The following NLGN1 variants were observed in gnomAD, a reference collection of about 807,000 sequenced individuals.
NLGN1 encodes the protein neuroligin-1.
In NLGN1, 12 loss-of-function variants were observed where a neutral mutation model predicts 65.5. The observed-to-expected ratio is 0.18, with a 90% CI of 0.12 to 0.30. NLGN1 has a LOEUF of 0.30. Ranked by LOEUF, NLGN1 falls within the 10% of genes least tolerant of loss-of-function variation. The probability of loss-of-function intolerance (pLI) is 1.00; values close to 1 mark genes in which losing one functional copy is unlikely to be tolerated. For synonymous variants in NLGN1, 350 were observed against 359.5 expected (o/e 0.97, Z 0.30); for missense variants, 750 against 1,007.1 (o/e 0.74, Z 3.46).
At chr3:173,858,047 A>G (rs1259001990) in intron 4 of NLGN1, among the ~76,000 whole-genome samples, 1 of 150,152 alleles carries the variant, frequency 6.7e-6, no homozygotes, top group Non-Finnish European at 1.5e-5. Flanking sequence ...ATTTAAAAAT[A>G]TGCTTAAATT....
intron 4 of NLGN1, among the ~76,000 whole-genome samples, chr3:174,230,241 T>G (rs1377237448): frequency 6.6e-6 from 1 of 152,140 alleles, no homozygotes; most frequent in Non-Finnish European, 1.5e-5. Context: ...GACTCAGAAG[T>G]GAGATGAATA....
intron 2 of NLGN1, among the ~76,000 whole-genome samples, chr3:173,472,228 A>G (rs573876246): frequency 6.6e-6 from 1 of 152,238 alleles, no homozygotes; most frequent in South Asian, 2.1e-4. Context: ...CCCAGTGGTA[A>G]TATCTCTTAA....
chr3:174,220,356 T>C (rs901052624), intron 4 of NLGN1, among the ~76,000 whole-genome samples: 1 of 152,114 alleles, frequency 6.6e-6, no homozygotes, highest in African/African-American at 2.4e-5. Flanking sequence ...GTGAACCTAT[T>C]AGGACTGTTT....
At chr3:174,039,717 G>C (rs1373410799) in intron 4 of NLGN1, among the ~76,000 whole-genome samples, 1 of 152,050 alleles carries the variant, frequency 6.6e-6, no homozygotes, top group African/African-American at 2.4e-5. Flanking sequence ...GATTTCCAGG[G>C]CCAAAGAAGT....
At chr3:173,445,801 G>A (rs1442581420) in intron 2 of NLGN1, among the ~76,000 whole-genome samples, 1 of 152,270 alleles carries the variant, frequency 6.6e-6, no homozygotes, top group Middle Eastern at 3.4e-3. Flanking sequence ...AGAAGACAGG[G>A]AAGTTTGGGA....
At chr3:173,626,531 A>G (rs1754847372) in intron 3 of NLGN1, among the ~76,000 whole-genome samples, 1 of 152,108 alleles carries the variant, frequency 6.6e-6, no homozygotes. Context: ...TTAAAGCAAA[A>G]TTCCTTTAGA....
intron 3 of NLGN1, among the ~76,000 whole-genome samples, chr3:173,763,809 G>A (rs1778362070): frequency 6.6e-6 from 1 of 151,900 alleles, no homozygotes; most frequent in Non-Finnish European, 1.5e-5. Flanking sequence ...AGAAAAAGAA[G>A]AAAAAAGCAT....
intron 4 of NLGN1, among the ~76,000 whole-genome samples, chr3:174,274,753 T>C (rs988405614): frequency 2.4e-4 from 36 of 151,998 alleles, no homozygotes; most frequent in African/African-American, 8.7e-4. Flanking sequence ...TCATTGATCA[T>C]CATTGATAAA....
chr3:173,435,032 C>T (rs1717852104), exon 2 of NLGN1: 1 of 152,620 alleles, frequency 6.6e-6, no homozygotes, highest in Non-Finnish European at 1.5e-5. Flanking sequence ...TGAGGCCACT[C>T]AAGTTCCAAA....
chr3:174,237,451 C>G (rs7620058), intron 4 of NLGN1, among the ~76,000 whole-genome samples: 64,929 of 152,076 alleles, frequency 0.43, 14,010 homozygotes, highest in East Asian at 0.57. Context: ...CAGTCAGCTG[C>G]AATTCACCTT....
At chr3:173,691,974 A>C (rs749173899) in intron 3 of NLGN1, among the ~76,000 whole-genome samples, 4 of 152,106 alleles carry the variant, frequency 2.6e-5, no homozygotes, top group Non-Finnish European at 4.4e-5. Flanking sequence ...TTTATAAAAG[A>C]ATACAAAATT....
chr3:173,660,771 CA>C (rs1760813729), intron 3 of NLGN1, among the ~76,000 whole-genome samples: 1 of 151,876 alleles, frequency 6.6e-6, no homozygotes. Context: ...TCATGTTCTC[CA>C]CTGTCAAGTC....
chr3:173,944,124 G>GTTGTGTGTGTGTGTGTGT (rs34721217), intron 4 of NLGN1, among the ~76,000 whole-genome samples: 112 of 139,594 alleles, frequency 8.0e-4, no homozygotes, highest in East Asian at 2.1e-3. Flanking sequence ...TAATATTATG[G>GTTGTGTGTGTGTGTGTGT]GTGTGTGTGT....
At chr3:174,005,698 T>TG (rs948978354) in intron 4 of NLGN1, among the ~76,000 whole-genome samples, 2 of 136,142 alleles carry the variant, frequency 1.5e-5, no homozygotes, top group Non-Finnish European at 3.1e-5. Flanking sequence ...TTAATTGAAC[T>TG]TTTTTTTTTT....
chr3:173,522,805 G>C (rs1734985630), intron 2 of NLGN1, among the ~76,000 whole-genome samples: 1 of 152,040 alleles, frequency 6.6e-6, no homozygotes, highest in East Asian at 1.9e-4. Context: ...TTTCTGGGTT[G>C]AATGGCAGTT....
chr3:173,650,928 T>A (rs530799856), intron 3 of NLGN1, among the ~76,000 whole-genome samples: 74 of 152,208 alleles, frequency 4.9e-4, no homozygotes, highest in Non-Finnish European at 6.0e-4. Context: ...CTGTTTATTT[T>A]TTTTTTTTAT....
intron 3 of NLGN1, among the ~76,000 whole-genome samples, chr3:173,614,528 A>G (rs1045016631): frequency 1.3e-5 from 2 of 152,018 alleles, no homozygotes; most frequent in African/African-American, 4.8e-5. Context: ...TTTCCTGACA[A>G]TGAGCAGGCC....
At chr3:174,077,910 A>G (rs142338665) in intron 4 of NLGN1, among the ~76,000 whole-genome samples, 196 of 152,260 alleles carry the variant, frequency 1.3e-3, no homozygotes, top group African/African-American at 4.6e-3. Flanking sequence ...TCTTTATAGG[A>G]AATGAAAACC....
chr3:173,737,578 T>C (rs921457844), intron 3 of NLGN1, among the ~76,000 whole-genome samples: 11 of 152,102 alleles, frequency 7.2e-5, no homozygotes, highest in Non-Finnish European at 1.3e-4. Flanking sequence ...CATCATAGCA[T>C]GTATCAGTAC....
Sources: gnomAD v4.1 joint callset for allele counts (sites outside exome capture counted in the v4.1 genomes callset) on GRCh38, gnomAD v4.1.1 for gene constraint, MANE v1.5 for transcripts, NCBI Gene and HGNC (gene_info 2026-07-23, HGNC 2026-07-21) for gene names.